The following TMEM114 variants were observed in gnomAD, a reference collection of about 807,000 sequenced individuals.
TMEM114 encodes claudin-26.
Under a neutral mutation model 6.2 loss-of-function variants are expected in TMEM114, and 6 were observed. That is an observed-to-expected ratio of 0.97 (90% CI 0.53 to 1.91). TMEM114 has a LOEUF of 1.91. TMEM114 is among the 40% of genes most tolerant of loss of function. TMEM114 has a pLI of 0.01. For missense variants in TMEM114, 218 were observed against 158.3 expected, an observed-to-expected ratio of 1.38 and a Z score of -2.02; for synonymous variants, 104 against 73.0, an observed-to-expected ratio of 1.42 and a Z score of -2.16.
chr16:8,560,737 C>A (rs1354909170), intron 2 of TMEM114, among the ~76,000 whole-genome samples: 2 of 152,110 alleles, frequency 1.3e-5, no homozygotes, highest in African/African-American at 4.8e-5. Flanking sequence ...TCCAGGGGGC[C>A]CTCACTATGT....
intron 2 of TMEM114, among the ~76,000 whole-genome samples, chr16:8,541,234 G>A (rs75669102): frequency 0.096 from 14,568 of 152,196 alleles, 858 homozygotes; most frequent in Middle Eastern, 0.21. Context: ...CAGGCTTGAG[G>A]TCATGTGGCT....
rs1263254132 is a variant in TMEM114, at chr16:8,572,216, C to T, written c.310G>A (p.Gly104Arg). The T allele has an allele frequency of 6.4e-7, 1 of 1,551,666 alleles. No individual in the cohort carries two copies. Among genetic ancestry groups the T allele is most frequent in the Non-Finnish European group, 8.7e-7 (1 of 1,147,002 alleles). ...ESSRQLLTMH[G>R]TFVILLPLSL... is the part of the protein sequence containing the mutation. The stretch of plus-strand genomic sequence containing the variant: ...AGCGGCAGCAGAATCACAAATGTCC[C>T]ATGCATGGCTTAGAAGAGACAGAGA... Residue 104 changes from glycine (G) to arginine (R), a missense_variant, in exon 3 of 4, where the codon GGG (glycine) becomes AGG (arginine). Transcript: ENST00000620492.
chr16:8,574,601 C>G (rs1452468095), intron 2 of TMEM114, among the ~76,000 whole-genome samples: 1 of 150,032 alleles, frequency 6.7e-6, no homozygotes, highest in East Asian at 1.9e-4. Context: ...TTCTTTCTTT[C>G]TTTCTTTTTC....
At chr16:8,578,331 G>T (rs566188099) in intron 2 of TMEM114, among the ~76,000 whole-genome samples, 1 of 152,044 alleles carries the variant, frequency 6.6e-6, no homozygotes, top group South Asian at 2.1e-4. Context: ...ATCCTTCCCC[G>T]CCTCTCTTAT....
chr16:8,569,060 G>C (rs956647205), downstream of TMEM114, among the ~76,000 whole-genome samples: 2 of 152,212 alleles, frequency 1.3e-5, no homozygotes, highest in African/African-American at 4.8e-5. Flanking sequence ...ATCAGCCCGA[G>C]AGTATCAACA....
chr16:8,554,446 G>C (rs930293233), intron 2 of TMEM114, among the ~76,000 whole-genome samples: 2 of 152,052 alleles, frequency 1.3e-5, no homozygotes, highest in African/African-American at 2.4e-5. Context: ...TTGCTGACCA[G>C]AGAGAGAGAA....
chr16:8,556,917 T>G (rs1901030258), intron 2 of TMEM114, among the ~76,000 whole-genome samples: 2 of 152,236 alleles, frequency 1.3e-5, no homozygotes. Flanking sequence ...TTCCGTAATG[T>G]GGCCCCTGCT....
intron 1 of TMEM114, among the ~76,000 whole-genome samples, 152 bp from the exon 2 acceptor site, chr16:8,589,445 T>C (rs1902415364): frequency 6.6e-6 from 1 of 152,118 alleles, no homozygotes; most frequent in Admixed American, 6.5e-5. Context: ...CGGGTGCCTC[T>C]CGGAAGGGTT....
downstream of TMEM114, among the ~76,000 whole-genome samples, chr16:8,566,396 T>A (rs1393391185): frequency 8.6e-5 from 12 of 139,462 alleles, no homozygotes; most frequent in African/African-American, 8.0e-5. Context: ...AAAATCAGAA[T>A]AGAACAGAAC....
chr16:8,564,637 ATGAGTGAGTAAATGAG>A (rs1901458115), downstream of TMEM114, among the ~76,000 whole-genome samples: 1 of 101,068 alleles, frequency 9.9e-6, no homozygotes, highest in African/African-American at 4.0e-5. Context: ...GAGTGAGTGA[ATGAGTGAGTAAATGAG>A]TGAGTGAGGG....
chr16:8,557,522 C>A (rs1285517578), intron 2 of TMEM114, among the ~76,000 whole-genome samples: 1 of 152,222 alleles, frequency 6.6e-6, no homozygotes, highest in Non-Finnish European at 1.5e-5. Context: ...CAATTCCCAA[C>A]TCTCAGAGAC....
chr16:8,569,757 G>C lies in TMEM114; in HGVS notation c.*16C>G, dbSNP rs1036684849. On this transcript the variant is annotated 3_prime_UTR_variant, in exon 4 of 4. Transcript: ENST00000620492. ...GGCCAAGCCCCTCCCTCCCCTCCACGACCCAGCGCCCAGGCTCATATGGCC... is the reference window on the plus strand; with the variant it reads ...GGCCAAGCCCCTCCCTCCCCTCCACCACCCAGCGCCCAGGCTCATATGGCC... The C allele has an allele frequency of 6.5e-7, 1 of 1,539,844 alleles. No homozygotes were observed. The highest frequency in any genetic ancestry group is 8.8e-7 in the Non-Finnish European group (1 of 1,139,116).
chr16:8,564,251 G>GTGAATGAGTGATGAAATA, intron 2 of TMEM114, among the ~76,000 whole-genome samples: 1 of 11,824 alleles, frequency 8.5e-5, no homozygotes, highest in East Asian at 1.2e-3. Context: ...ATGAGTGAGT[G>GTGAATGAGTGATGAAATA]AGTGAATGAG....
At chr16:8,556,960 C>A (rs913464261) in intron 2 of TMEM114, among the ~76,000 whole-genome samples, 4 of 152,126 alleles carry the variant, frequency 2.6e-5, no homozygotes, top group Admixed American at 2.0e-4. Flanking sequence ...GCTAAGGATG[C>A]AAATAAATAG....
chr16:8,533,565 G>C (rs954862343), downstream of TMEM114, among the ~76,000 whole-genome samples: 2 of 152,222 alleles, frequency 1.3e-5, no homozygotes, highest in African/African-American at 4.8e-5. Flanking sequence ...TAAATGGCAT[G>C]ATCTGGTCCA....
chr16:8,552,725 A>G (rs1429152070), intron 2 of TMEM114, among the ~76,000 whole-genome samples: 1 of 150,682 alleles, frequency 6.6e-6, no homozygotes, highest in Non-Finnish European at 1.5e-5. Context: ...AAAAAAGACA[A>G]TGGCTGTGCT....
intron 2 of TMEM114, among the ~76,000 whole-genome samples, chr16:8,580,348 G>A (rs944806721): frequency 3.9e-5 from 6 of 151,982 alleles, no homozygotes; most frequent in Admixed American, 3.3e-4. Flanking sequence ...TTAGCTGGAC[G>A]TGGTGATGTG....
intron 2 of TMEM114, among the ~76,000 whole-genome samples, chr16:8,548,005 A>T (rs1458684708): frequency 6.6e-6 from 1 of 151,872 alleles, no homozygotes; most frequent in Admixed American, 6.6e-5. Context: ...CAGGAACAAG[A>T]CTCTGGCCAA....
In TMEM114 at chr16:8,572,194, G is replaced by T; in HGVS notation, c.332C>A (p.Pro111Gln). 2 of 1,551,522 alleles carry T rather than the reference G, an allele frequency of 1.3e-6. No individual in the cohort carries two copies. Among genetic ancestry groups the T allele is most frequent in the East Asian group, 2.4e-5 (1 of 40,920 alleles). The change falls in exon 3 of 4, where the codon CCG becomes CAG. Residue 111 changes from proline (P) to glutamine (Q), a missense_variant. Physicochemically the swap from Pro to Gln is moderately conservative, Grantham distance 76. Transcript: ENST00000620492. ...AAAAACCATCAGGATCAGGCTGAGC[G>T]GCAGCAGAATCACAAATGTCCCATG... ...TMHGTFVILL[P>Q]LSLILMVFGG...
Sources: gnomAD v4.1 joint callset for allele counts (sites outside exome capture counted in the v4.1 genomes callset) on GRCh38, gnomAD v4.1.1 for gene constraint, MANE v1.5 for transcripts, NCBI Gene and HGNC (gene_info 2026-07-23, HGNC 2026-07-21) for gene names.